ASTN2: variants seen among roughly 807,000 people sequenced by gnomAD.
The protein encoded by ASTN2 is astrotactin-2.
ASTN2 carries 54 observed loss-of-function variants against 139.8 expected under a neutral mutation model. The ratio of observed to expected loss-of-function variants is 0.39; its 90% CI spans 0.31 to 0.48. ASTN2 has a LOEUF of 0.48. Ranked by LOEUF, ASTN2 falls within the 20% of genes least tolerant of loss-of-function variation. The probability of loss-of-function intolerance (pLI) is 0.95; values close to 1 mark genes in which losing one functional copy is unlikely to be tolerated. For synonymous variants in ASTN2, 756 were observed against 719.5 expected (o/e 1.05, Z -0.81); for missense variants, 1,565 against 1,725.1 (o/e 0.91, Z 1.64).
chr9:116,631,686 G>C (rs1019924704), intron 17 of ASTN2, among the ~76,000 whole-genome samples: 5 of 152,070 alleles, frequency 3.3e-5, no homozygotes, highest in Non-Finnish European at 7.4e-5. Context: ...TAACAATAAT[G>C]TATTGTATTC....
chr9:117,142,943 A>G (rs1394319755), intron 3 of ASTN2, among the ~76,000 whole-genome samples: 2 of 152,144 alleles, frequency 1.3e-5, no homozygotes, highest in Non-Finnish European at 2.9e-5. Context: ...GGATGTGCCA[A>G]CAATTTCTGT....
At chr9:117,095,980 A>C in intron 5 of ASTN2, 64 bp downstream of exon 5, 1 of 1,499,784 alleles carries the variant, frequency 6.7e-7, no homozygotes, top group Non-Finnish European at 9.3e-7. Context: ...GTGAACACAA[A>C]ATCTGATTTC....
intron 13 of ASTN2, among the ~76,000 whole-genome samples, chr9:116,797,303 C>T (rs1830725104): frequency 6.6e-6 from 1 of 152,152 alleles, no homozygotes; most frequent in Non-Finnish European, 1.5e-5. Context: ...AGAAAGTTAG[C>T]TTTCTGATTC....
rs1001421065 is a variant in ASTN2, at chr9:116,423,130, T to A, written c.*2721A>T. ...ACAGAGCTGAAAATCATTAATTCTTTCTTTTAATCAGAATTCTCTAGGTCT... is the reference window on the plus strand; with the variant it reads ...ACAGAGCTGAAAATCATTAATTCTTACTTTTAATCAGAATTCTCTAGGTCT... On this transcript the variant is annotated 3_prime_UTR_variant, in exon 23 of 23. Transcript: ENST00000313400. 6.6e-6 allele frequency among the ~76,000 whole-genome samples: 1 copy of A among 152,208 alleles called. No homozygotes were observed. The highest frequency in any genetic ancestry group is 2.4e-5 in the African/African-American group (1 of 41,448).
chr9:116,831,452 A>G (rs1202783139), intron 11 of ASTN2, among the ~76,000 whole-genome samples: 2 of 152,214 alleles, frequency 1.3e-5, no homozygotes, highest in Non-Finnish European at 2.9e-5. Flanking sequence ...AATATTCACC[A>G]AACACCTACC....
chr9:116,542,864 G>C (rs1261298226), intron 19 of ASTN2, among the ~76,000 whole-genome samples: 1 of 152,072 alleles, frequency 6.6e-6, no homozygotes, highest in Non-Finnish European at 1.5e-5. Flanking sequence ...AGATTGCAGT[G>C]AGCTGAGATT....
intron 19 of ASTN2, among the ~76,000 whole-genome samples, chr9:116,488,653 A>C (rs1849414764): frequency 6.6e-6 from 1 of 152,216 alleles, no homozygotes; most frequent in Admixed American, 6.5e-5. Flanking sequence ...TGTGAAGTTA[A>C]AAACAGGTTA....
chr9:117,264,439 T>C (rs1245744649), intron 2 of ASTN2, among the ~76,000 whole-genome samples: 1 of 152,238 alleles, frequency 6.6e-6, no homozygotes, highest in Admixed American at 6.5e-5. Context: ...TAAATTACTG[T>C]GCCTTCCTCA....
chr9:117,185,458 G>T (rs1358662411), intron 3 of ASTN2, among the ~76,000 whole-genome samples: 1 of 152,202 alleles, frequency 6.6e-6, no homozygotes, highest in Admixed American at 6.5e-5. Flanking sequence ...AAAAGGAGCT[G>T]CAGATGCTTC....
At chr9:116,642,552 A>G (rs1004620050) in intron 17 of ASTN2, among the ~76,000 whole-genome samples, 4 of 152,160 alleles carry the variant, frequency 2.6e-5, no homozygotes, top group Admixed American at 1.3e-4. Flanking sequence ...CCCCCCATCT[A>G]ACTGACACTG....
intron 4 of ASTN2, among the ~76,000 whole-genome samples, chr9:117,128,371 CAAAAAAAAAAAAAAA>C (rs1167187783): frequency 2.0e-4 from 13 of 66,444 alleles, no homozygotes; most frequent in African/African-American, 7.0e-4. Flanking sequence ...GACACTGTCT[CAAAAAAAAAAAAAAA>C]AAAAAAAAAA....
At chr9:117,213,113 G>A (rs1208683530) in intron 3 of ASTN2, among the ~76,000 whole-genome samples, 5 of 152,134 alleles carry the variant, frequency 3.3e-5, no homozygotes, top group Admixed American at 2.6e-4. Flanking sequence ...AAATAAGAAT[G>A]AAATCCTTTC....
chr9:116,654,708 A>G (rs1858110663), intron 16 of ASTN2, among the ~76,000 whole-genome samples: 1 of 152,170 alleles, frequency 6.6e-6, no homozygotes, highest in South Asian at 2.1e-4. Flanking sequence ...TCTAATCACC[A>G]ATTTATCATT....
intron 10 of ASTN2, among the ~76,000 whole-genome samples, chr9:116,907,988 G>A (rs1834211694): frequency 6.6e-6 from 1 of 152,154 alleles, no homozygotes; most frequent in African/African-American, 2.4e-5. Flanking sequence ...CCAGAACTGA[G>A]TTATTAGCTA....
chr9:116,756,146 C>T (rs954370893), intron 13 of ASTN2, among the ~76,000 whole-genome samples: 7 of 152,126 alleles, frequency 4.6e-5, no homozygotes, highest in Non-Finnish European at 8.8e-5. Context: ...AGGCCCTCCT[C>T]GTCCACAGCC....
At chr9:116,482,609 A>AC (rs1180074801) in intron 20 of ASTN2, among the ~76,000 whole-genome samples, 1 of 151,972 alleles carries the variant, frequency 6.6e-6, no homozygotes, top group Non-Finnish European at 1.5e-5. Context: ...GGAAGAACTG[A>AC]CCCAACGTAC....
At chr9:116,844,061 T>C (rs1028075264) in intron 11 of ASTN2, among the ~76,000 whole-genome samples, 2 of 152,202 alleles carry the variant, frequency 1.3e-5, no homozygotes, top group Non-Finnish European at 2.9e-5. Flanking sequence ...CCAGATACTG[T>C]CATTTCCTAG....
chr9:117,166,711 A>G (rs1356384568), intron 3 of ASTN2, among the ~76,000 whole-genome samples: 1 of 152,108 alleles, frequency 6.6e-6, no homozygotes, highest in Non-Finnish European at 1.5e-5. Context: ...CCTCTGCAGT[A>G]AGTGGATCCC....
At chr9:116,732,088 G>T (rs1457528219) in intron 14 of ASTN2, among the ~76,000 whole-genome samples, 1 of 152,178 alleles carries the variant, frequency 6.6e-6, no homozygotes, top group Non-Finnish European at 1.5e-5. Context: ...CATTTCATTT[G>T]ATCTACATCT....
Sources: allele counts gnomAD v4.1 joint callset (sites outside exome capture counted in the v4.1 genomes callset), GRCh38; gene constraint gnomAD v4.1.1; transcripts MANE v1.5; gene names NCBI Gene and HGNC (gene_info 2026-07-23, HGNC 2026-07-21).